NAALAD2: variants seen among roughly 807,000 people sequenced by gnomAD.
NAALAD2 encodes the protein N-acetylated-alpha-linked acidic dipeptidase 2.
NAALAD2 carries 89 observed loss-of-function variants against 95.6 expected under a neutral mutation model. That is an observed-to-expected ratio of 0.93 (90% CI 0.78 to 1.11). NAALAD2 has a LOEUF of 1.11. Among genes scored for constraint, NAALAD2 ranks in the 50% least tolerant of loss-of-function variants. The pLI is 0.00. For missense variants in NAALAD2, 894 were observed against 872.4 expected (o/e 1.02, Z -0.31); for synonymous variants, 264 against 294.4 (o/e 0.90, Z 1.06).
At chr11:90,165,168 G>A (rs1196220157) in intron 11 of NAALAD2, among the ~76,000 whole-genome samples, 1 of 152,170 alleles carries the variant, frequency 6.6e-6, no homozygotes, top group East Asian at 1.9e-4. Context: ...TTTTACGACT[G>A]TGTAGTATTC....
chr11:90,170,178 G>A (rs771414969), intron 13 of NAALAD2, 42 bp downstream of exon 13: 12 of 1,155,340 alleles, frequency 1.0e-5, no homozygotes, highest in African/African-American at 3.0e-5. Context: ...CTTTTGAATG[G>A]ATAAATGAAT....
chr11:90,164,903 G>A (rs992341580), intron 11 of NAALAD2, among the ~76,000 whole-genome samples: 4 of 152,198 alleles, frequency 2.6e-5, no homozygotes, highest in African/African-American at 9.6e-5. Flanking sequence ...ACTAGTGAAA[G>A]ATTATTTCAT....
At chr11:90,142,074 TCTC>T (rs1951633713) in intron 2 of NAALAD2, among the ~76,000 whole-genome samples, 1 of 152,120 alleles carries the variant, frequency 6.6e-6, no homozygotes, top group Non-Finnish European at 1.5e-5. Flanking sequence ...TTAAGAAAGC[TCTC>T]CTCTATTCCA....
At chr11:90,179,260 C>T (rs963041507) in intron 16 of NAALAD2, among the ~76,000 whole-genome samples, 1 of 151,874 alleles carries the variant, frequency 6.6e-6, no homozygotes, top group Non-Finnish European at 1.5e-5. Flanking sequence ...TCAAATATGC[C>T]CTGAGTTTCT....
At position 90,158,127 on chromosome 11, in the gene NAALAD2, T is replaced by A. The variant is rs1590985814; in HGVS notation, c.797-18T>A. The A allele has an allele frequency of 6.5e-7, 1 of 1,534,374 alleles. No homozygotes were observed. On this transcript the variant is annotated intron_variant, in intron 6 of 18. Coordinates refer to ENST00000534061, the MANE Select transcript of NAALAD2 (RefSeq NM_005467.4). ...AGATTTTTAAATTGTTTTCATTTTATGCATTTGATTTTTTTAGAATACACT... is the reference window on the plus strand; with the variant it reads ...AGATTTTTAAATTGTTTTCATTTTAAGCATTTGATTTTTTTAGAATACACT...
intron 2 of NAALAD2, among the ~76,000 whole-genome samples, chr11:90,141,543 G>C (rs1951614567): frequency 1.3e-5 from 2 of 152,096 alleles, no homozygotes; most frequent in Admixed American, 6.6e-5. Flanking sequence ...AAATACTGTT[G>C]TGTTTGTGTA....
intron 18 of NAALAD2, among the ~76,000 whole-genome samples, chr11:90,183,573 G>C (rs1201998700): frequency 1.3e-5 from 2 of 152,098 alleles, no homozygotes; most frequent in African/African-American, 4.8e-5. Flanking sequence ...ACGATGGTTA[G>C]ATTTCATTTT....
intron 8 of NAALAD2, among the ~76,000 whole-genome samples, chr11:90,159,650 T>G (rs564693902): frequency 3.9e-4 from 59 of 152,206 alleles, no homozygotes; most frequent in African/African-American, 1.4e-3. Flanking sequence ...ATGATATACA[T>G]GTGAAAAACT....
intron 18 of NAALAD2, among the ~76,000 whole-genome samples, chr11:90,187,727 G>C (rs1425784736): frequency 2.0e-5 from 3 of 152,114 alleles, no homozygotes; most frequent in Admixed American, 6.5e-5. Flanking sequence ...ATGGATCAAT[G>C]ACATTTTTAA....
At chr11:90,155,559 T>C (rs1394595157) in intron 6 of NAALAD2, among the ~76,000 whole-genome samples, 2 of 93,824 alleles carry the variant, frequency 2.1e-5, no homozygotes, top group Non-Finnish European at 3.8e-5. Context: ...ATATAATGTG[T>C]AATATATAAT....
intron 6 of NAALAD2, among the ~76,000 whole-genome samples, chr11:90,155,886 ATATATAT>A (rs1434228861): frequency 2.1e-5 from 3 of 142,532 alleles, no homozygotes; most frequent in Non-Finnish European, 3.0e-5. Context: ...TGTATATGTA[ATATATAT>A]TATATATTAT....
intron 7 of NAALAD2, 80 bp from the exon 8 acceptor site, chr11:90,159,159 A>G: frequency 1.9e-6 from 2 of 1,073,746 alleles, no homozygotes; most frequent in Non-Finnish European, 2.9e-6. Context: ...TATATGAATG[A>G]AATATTGTCA....
chr11:90,158,942 C>T, intron 7 of NAALAD2: 6 of 304,290 alleles, frequency 2.0e-5, no homozygotes, highest in South Asian at 3.6e-5. Flanking sequence ...TCAGTGAGTC[C>T]CCACATAAAT....
At chr11:90,184,787 T>C (rs991756260) in intron 18 of NAALAD2, among the ~76,000 whole-genome samples, 1 of 152,122 alleles carries the variant, frequency 6.6e-6, no homozygotes, top group Non-Finnish European at 1.5e-5. Flanking sequence ...TACATGTTTA[T>C]ATATGTATAT....
At chr11:90,174,007 C>T (rs1952714320) in intron 14 of NAALAD2, 92 bp downstream of exon 14, 1 of 887,742 alleles carries the variant, frequency 1.1e-6, no homozygotes, top group Non-Finnish European at 1.8e-6. Flanking sequence ...TCTCAAGCGT[C>T]TCATCAATAA....
chr11:90,191,518 A>G (rs1197103982), intron 18 of NAALAD2, 40 bp from the exon 19 acceptor site: 7 of 1,446,744 alleles, frequency 4.8e-6, no homozygotes, highest in Non-Finnish European at 5.5e-6. Flanking sequence ...AAATGCATGT[A>G]TACACTTTAG....
rs556499590 is a variant in NAALAD2, at chr11:90,192,620, G to A, written c.*873G>A. ...GTGATTATAAAAAACAAGTCTGCAA[G>A]GAAACCAGAATCATATACCTTCTCT... On this transcript the variant is annotated 3_prime_UTR_variant, in exon 19 of 19. Transcript: ENST00000534061. 1.1e-4 allele frequency: 16 copies of A among 152,040 alleles called. No individual in the cohort carries two copies. The highest frequency in any genetic ancestry group is 3.9e-4 in the African/African-American group (16 of 41,538). 9.4% of individuals were successfully genotyped at this position (152,040 alleles called of 1,614,324 possible).
Position 90,182,947 on chromosome 11 carries a change from C to G in NAALAD2, c.1972C>G (p.Leu658Val). The change falls in exon 18 of 19, where the codon CTG (leucine) becomes GTG (valine). Residue 658 changes from leucine (L) to valine (V), a missense_variant. Coordinates refer to ENST00000534061, the MANE Select transcript of NAALAD2 (RefSeq NM_005467.4). ...TGCAGTGAGAATGATGAATGACCAA[C>G]TGATGCTCCTGGAAAGAGCATTCAT... ...PIAVRMMNDQLMLLERAFIDP... is the reference protein window; with the variant it reads ...PIAVRMMNDQVMLLERAFIDP... 1 of 1,612,128 alleles carries G rather than the reference C, an allele frequency of 6.2e-7. No homozygotes were observed. Among genetic ancestry groups the G allele is most frequent in the Non-Finnish European group, 8.5e-7 (1 of 1,178,568 alleles).
intron 18 of NAALAD2, 26 bp downstream of exon 18, chr11:90,183,034 C>A (rs1857013521): frequency 6.4e-7 from 1 of 1,557,728 alleles, no homozygotes; most frequent in Non-Finnish European, 8.9e-7. Flanking sequence ...GCGCCAAATA[C>A]ATCACTGTGA....
Sources: gnomAD v4.1 joint callset for allele counts (sites outside exome capture counted in the v4.1 genomes callset) on GRCh38, gnomAD v4.1.1 for gene constraint, MANE v1.5 for transcripts, NCBI Gene and HGNC (gene_info 2026-07-23, HGNC 2026-07-21) for gene names.